The following MACROD2 variants were observed in gnomAD, a reference collection of about 807,000 sequenced individuals.
The protein encoded by MACROD2 is ADP-ribose glycohydrolase MACROD2.
MACROD2 carries 36 observed loss-of-function variants against 70.4 expected under a neutral mutation model. The ratio of observed to expected loss-of-function variants is 0.51; its 90% confidence interval spans 0.39 to 0.68. The LOEUF (loss-of-function observed/expected upper bound fraction) is 0.68, where lower values mean the gene tolerates loss of function less well. MACROD2 is among the 30% of genes least tolerant of loss of function. The probability of loss-of-function intolerance (pLI) is 0.00; values close to 1 mark genes in which losing one functional copy is unlikely to be tolerated. For synonymous variants in MACROD2, 172 were observed against 178.8 expected, an observed-to-expected ratio of 0.96 and a Z score of 0.30; for missense variants, 496 against 538.4, an observed-to-expected ratio of 0.92 and a Z score of 0.78.
At chr20:15,142,207 A>G (rs382050) in intron 5 of MACROD2, among the ~76,000 whole-genome samples, 1 of 151,940 alleles carries the variant, frequency 6.6e-6, no homozygotes, top group Non-Finnish European at 1.5e-5. Flanking sequence ...AACTACTAAG[A>G]CTCAATAAAT....
At chr20:15,598,473 G>A (rs1434376746) in intron 8 of MACROD2, among the ~76,000 whole-genome samples, 2 of 152,156 alleles carry the variant, frequency 1.3e-5, no homozygotes, top group Non-Finnish European at 2.9e-5. Context: ...CCCGACTGAG[G>A]TTATCCTGCC....
chr20:15,188,078 A>G (rs1007002874), intron 5 of MACROD2, among the ~76,000 whole-genome samples: 2 of 152,198 alleles, frequency 1.3e-5, no homozygotes, highest in African/African-American at 4.8e-5. Context: ...AAGAACATTC[A>G]ATGGTAAGAC....
intron 6 of MACROD2, among the ~76,000 whole-genome samples, chr20:15,283,673 AAAAC>A (rs1421710021): frequency 1.3e-5 from 2 of 152,192 alleles, no homozygotes; most frequent in African/African-American, 2.4e-5. Context: ...ACTCTGTCTC[AAAAC>A]AAACAAACAA....
chr20:15,638,896 A>G lies in MACROD2; in HGVS notation c.645+139049A>G, dbSNP rs149120431. Among the ~76,000 whole-genome samples the G allele has an allele frequency of 3.2e-3, 493 of 152,302 alleles. 4 individuals carry two copies. The highest frequency in any genetic ancestry group is 0.011 in the African/African-American group (461 of 41,560). ...AAATTTTTGACTCCATCCGGAACAG[A>G]GTTGAAATATTCAGGTCCGCAGGGT... On this transcript the variant is annotated intron_variant, in intron 8 of 17. Coordinates refer to ENST00000684519, the MANE Select transcript of MACROD2 (RefSeq NM_001351661.2).
intron 4 of MACROD2, among the ~76,000 whole-genome samples, chr20:14,674,472 C>T (rs891021701): frequency 6.6e-6 from 1 of 152,154 alleles, no homozygotes; most frequent in Non-Finnish European, 1.5e-5. Context: ...TGTCAGTTTA[C>T]TCACGAAAAT....
At chr20:15,039,796 A>G (rs2075341388) in intron 5 of MACROD2, among the ~76,000 whole-genome samples, 1 of 152,146 alleles carries the variant, frequency 6.6e-6, no homozygotes, top group Non-Finnish European at 1.5e-5. Context: ...GGCGTCCTAC[A>G]CCAGGGTTTA....
intron 6 of MACROD2, among the ~76,000 whole-genome samples, chr20:15,318,228 C>T (rs2146165319): frequency 6.6e-6 from 1 of 152,162 alleles, no homozygotes; most frequent in East Asian, 1.9e-4. Context: ...AATTACAAAA[C>T]ATGGATGAAA....
intron 6 of MACROD2, among the ~76,000 whole-genome samples, chr20:15,390,060 G>T (rs2146291998): frequency 6.6e-6 from 1 of 152,272 alleles, no homozygotes; most frequent in South Asian, 2.1e-4. Context: ...GCACTGGTTG[G>T]GTTCAAGAGA....
chr20:15,592,544 A>C (rs896462550), intron 8 of MACROD2, among the ~76,000 whole-genome samples: 1 of 152,232 alleles, frequency 6.6e-6, no homozygotes, highest in Admixed American at 6.5e-5. Context: ...TAAAGCTCAC[A>C]GTCATAAAAG....
intron 7 of MACROD2, among the ~76,000 whole-genome samples, chr20:15,479,863 G>A (rs953225186): frequency 6.6e-5 from 10 of 152,268 alleles, no homozygotes; most frequent in South Asian, 4.1e-4. Flanking sequence ...GACACCCACC[G>A]ACTGTCAAAA....
intron 5 of MACROD2, among the ~76,000 whole-genome samples, chr20:14,889,824 G>A (rs974961662): frequency 2.0e-5 from 3 of 152,210 alleles, no homozygotes; most frequent in Admixed American, 2.0e-4. Context: ...AAAAGGAATG[G>A]TGTGATTCAA....
intron 4 of MACROD2, among the ~76,000 whole-genome samples, chr20:14,593,654 A>C (rs1325802659): frequency 6.6e-6 from 1 of 152,204 alleles, no homozygotes; most frequent in Non-Finnish European, 1.5e-5. Context: ...AATTTTATGC[A>C]TTATTAAAAA....
rs986364577 is a variant in MACROD2, at chr20:14,314,755, C to T, written c.272-178724C>T. ...TGCCTGGGCAACAAGAGTGAGACTT[C>T]GTCTCTAAATAAATAAATAAATAAA... On this transcript the variant is annotated intron_variant, in intron 3 of 17. Transcript: ENST00000684519. 6.7e-5 allele frequency among the ~76,000 whole-genome samples: 8 copies of T among 118,642 alleles called. No homozygotes were observed. In the East Asian group the frequency reaches 9.0e-4, roughly 13 times the overall value. The allele number at this position is 118,642 out of a possible 152,430, so 77.8% of individuals were successfully genotyped here.
At chr20:14,186,111 C>T (rs1053265922) in intron 3 of MACROD2, among the ~76,000 whole-genome samples, 1 of 152,102 alleles carries the variant, frequency 6.6e-6, no homozygotes, top group Non-Finnish European at 1.5e-5. Context: ...GTTTTCAATA[C>T]TGACTGCTTT....
At chr20:15,554,843 T>G (rs2048144986) in intron 8 of MACROD2, among the ~76,000 whole-genome samples, 1 of 152,234 alleles carries the variant, frequency 6.6e-6, no homozygotes, top group Admixed American at 6.5e-5. Context: ...GGAAATGACT[T>G]TAGCTGTTTA....
chr20:14,913,161 TAGAA>T (rs1022891617), intron 5 of MACROD2, among the ~76,000 whole-genome samples: 3 of 152,146 alleles, frequency 2.0e-5, no homozygotes, highest in Non-Finnish European at 2.9e-5. Context: ...ATGTACATGA[TAGAA>T]AGATCCATGT....
At chr20:15,844,886 A>G (rs1176502436) in intron 8 of MACROD2, among the ~76,000 whole-genome samples, 1 of 152,126 alleles carries the variant, frequency 6.6e-6, no homozygotes, top group African/African-American at 2.4e-5. Flanking sequence ...CAGAAATATC[A>G]TGATGAAGAA....
chr20:15,869,224 T>G (rs1438798287), intron 9 of MACROD2, among the ~76,000 whole-genome samples: 3 of 50,912 alleles, frequency 5.9e-5, no homozygotes, highest in African/African-American at 1.7e-4. Context: ...TATATATATA[T>G]ATATATATAT....
chr20:15,917,712 G>T (rs2065339729), intron 10 of MACROD2, among the ~76,000 whole-genome samples: 1 of 152,052 alleles, frequency 6.6e-6, no homozygotes, highest in Non-Finnish European at 1.5e-5. Context: ...TGTTGGATGA[G>T]AATTCTCAAA....
Sources: gnomAD v4.1 joint callset for allele counts (sites outside exome capture counted in the v4.1 genomes callset) on GRCh38, gnomAD v4.1.1 for gene constraint, MANE v1.5 for transcripts, NCBI Gene and HGNC (gene_info 2026-07-23, HGNC 2026-07-21) for gene names.